The following ERBB4 variants were observed in gnomAD, a reference collection of about 807,000 sequenced individuals.
The protein encoded by ERBB4 is receptor tyrosine-protein kinase erbB-4.
Under a neutral mutation model 158.0 loss-of-function variants are expected in ERBB4, and 42 were observed. The ratio of observed to expected loss-of-function variants is 0.27; its 90% CI spans 0.21 to 0.34. The LOEUF (loss-of-function observed/expected upper bound fraction) is 0.34. ERBB4 is among the 10% of genes least tolerant of loss of function. ERBB4 has a pLI of 1.00. For missense variants in ERBB4, 1,333 were observed against 1,624.1 expected, an observed-to-expected ratio of 0.82 and a Z score of 3.08; for synonymous variants, 583 against 558.7, an observed-to-expected ratio of 1.04 and a Z score of -0.61.
chr2:212,521,235 G>T (rs754812466), intron 1 of ERBB4, among the ~76,000 whole-genome samples: 8 of 151,862 alleles, frequency 5.3e-5, no homozygotes, highest in Non-Finnish European at 8.8e-5. Context: ...ATTTGAGTTT[G>T]CCAGGTAAAC....
chr2:212,052,978 G>A (rs1300278336), intron 2 of ERBB4, among the ~76,000 whole-genome samples: 1 of 152,128 alleles, frequency 6.6e-6, no homozygotes, highest in Non-Finnish European at 1.5e-5. Flanking sequence ...AGTAGCAACG[G>A]GACCTGGACC....
chr2:211,929,763 T>C (rs1302721467), intron 3 of ERBB4, among the ~76,000 whole-genome samples: 2 of 152,228 alleles, frequency 1.3e-5, no homozygotes, highest in Non-Finnish European at 2.9e-5. Context: ...ACAATGTGCA[T>C]GGCTATGCAT....
At chr2:211,623,005 AT>A (rs1315848221) in intron 18 of ERBB4, among the ~76,000 whole-genome samples, 2 of 24,828 alleles carry the variant, frequency 8.1e-5, no homozygotes, top group African/African-American at 4.1e-4. Context: ...ATATATATAT[AT>A]ATATATATAT....
chr2:212,372,454 T>A (rs1319374432), intron 1 of ERBB4, among the ~76,000 whole-genome samples: 1 of 152,074 alleles, frequency 6.6e-6, no homozygotes, highest in East Asian at 1.9e-4. Flanking sequence ...AAAGCCTGTC[T>A]TAAAAAGATG....
chr2:212,065,268 A>C (rs2077909066), intron 2 of ERBB4, among the ~76,000 whole-genome samples: 2 of 151,968 alleles, frequency 1.3e-5, no homozygotes, highest in African/African-American at 4.8e-5. Flanking sequence ...AAATTATGTA[A>C]ATTTGGTGAA....
rs555417390 is a variant in ERBB4, at chr2:212,333,672, T to G, written c.82+204777A>C. 2.9e-4 allele frequency among the ~76,000 whole-genome samples: 42 copies of G among 144,342 alleles called. No homozygotes were observed. The South Asian group carries it at 8.9e-3, about 30-fold the overall frequency. The allele number at this position is 144,342 out of a possible 152,430, so 94.7% of individuals were successfully genotyped here. On this transcript the variant is annotated intron_variant, in intron 1 of 27. Coordinates refer to ENST00000342788, the MANE Select transcript of ERBB4 (RefSeq NM_005235.3). ...TCTTGTCATTGCACTCCAGCCTGGG[T>G]GATGGAGTGAGATTCTGTACCAAAA...
At chr2:212,088,168 T>C (rs1384827461) in intron 2 of ERBB4, among the ~76,000 whole-genome samples, 1 of 152,102 alleles carries the variant, frequency 6.6e-6, no homozygotes, top group Non-Finnish European at 1.5e-5. Flanking sequence ...CAAATCAATG[T>C]AACAACACTA....
At chr2:211,663,649 A>G (rs1413825437) in intron 15 of ERBB4, among the ~76,000 whole-genome samples, 3 of 152,152 alleles carry the variant, frequency 2.0e-5, no homozygotes, top group Non-Finnish European at 4.4e-5. Flanking sequence ...CACACCAGCC[A>G]TGCATCCAGA....
At chr2:212,356,174 G>A (rs1566926) in intron 1 of ERBB4, among the ~76,000 whole-genome samples, 98,586 of 151,766 alleles carry the variant, frequency 0.65, 32,616 homozygotes, top group East Asian at 0.79. Context: ...AATATTACTC[G>A]CTGTTCCAAA....
intron 18 of ERBB4, among the ~76,000 whole-genome samples, chr2:211,621,124 T>C (rs1045838409): frequency 6.6e-6 from 1 of 151,932 alleles, no homozygotes; most frequent in African/African-American, 2.4e-5. Flanking sequence ...CAAGAATAAA[T>C]ACATAAATAA....
chr2:212,245,168 T>C (rs558584668), intron 1 of ERBB4, among the ~76,000 whole-genome samples: 5 of 152,082 alleles, frequency 3.3e-5, no homozygotes, highest in Non-Finnish European at 7.4e-5. Flanking sequence ...ACACTTATCA[T>C]AGAAAATTTG....
chr2:211,656,569 G>T (rs192393753), intron 16 of ERBB4, among the ~76,000 whole-genome samples: 1 of 152,184 alleles, frequency 6.6e-6, no homozygotes, highest in East Asian at 1.9e-4. Flanking sequence ...TACAACCATC[G>T]CCATGATCAA....
intron 20 of ERBB4, among the ~76,000 whole-genome samples, chr2:211,441,219 T>A (rs2063967094): frequency 6.6e-6 from 1 of 152,166 alleles, no homozygotes; most frequent in African/African-American, 2.4e-5. Context: ...AGTTCCTGCA[T>A]AAAGACTAAG....
At chr2:212,330,240 T>TTTGC (rs1266175387) in intron 1 of ERBB4, among the ~76,000 whole-genome samples, 1 of 142,924 alleles carries the variant, frequency 7.0e-6, no homozygotes. Context: ...TGTTTGTTTG[T>TTTGC]TTTGTTTTCT....
At chr2:212,159,448 G>A (rs184008975) in intron 1 of ERBB4, among the ~76,000 whole-genome samples, 7 of 151,828 alleles carry the variant, frequency 4.6e-5, no homozygotes, top group Admixed American at 1.3e-4. Context: ...TTTTACATTC[G>A]TATAATGTAG....
chr2:211,457,201 G>C (rs2064404066), intron 20 of ERBB4, among the ~76,000 whole-genome samples: 1 of 152,152 alleles, frequency 6.6e-6, no homozygotes, highest in Non-Finnish European at 1.5e-5. Context: ...ATCAGTTCTT[G>C]TGATGCACGG....
rs1454474969 is a variant in ERBB4, at chr2:211,623,036, TATATATATAA to T, written c.2202+876_2202+885del. 6.0e-4 allele frequency among the ~76,000 whole-genome samples: 39 copies of T among 65,170 alleles called. 1 individual carries two copies. Among genetic ancestry groups the T allele is most frequent in the African/African-American group, 1.3e-3 (23 of 18,104 alleles). 42.8% of individuals were successfully genotyped at this position (65,170 alleles called of 152,430 possible). On this transcript the variant is annotated intron_variant, in intron 18 of 27. Transcript: ENST00000342788. ...ATATATATATATATATATATATATA[TATATATATAA>T]AATGCCAAAGTAACTTTTGGGAATT...
At chr2:212,099,526 T>A (rs1286270002) in intron 2 of ERBB4, among the ~76,000 whole-genome samples, 2 of 152,216 alleles carry the variant, frequency 1.3e-5, no homozygotes, top group Non-Finnish European at 2.9e-5. Context: ...TTTGATGGCC[T>A]TAATAGCAAG....
intron 1 of ERBB4, among the ~76,000 whole-genome samples, chr2:212,126,605 A>C (rs1475858354): frequency 6.6e-6 from 1 of 152,128 alleles, no homozygotes; most frequent in South Asian, 2.1e-4. Flanking sequence ...TTAAAAATAG[A>C]TATTATAAAT....
Sources: allele counts gnomAD v4.1 joint callset (sites outside exome capture counted in the v4.1 genomes callset), GRCh38; gene constraint gnomAD v4.1.1; transcripts MANE v1.5; gene names NCBI Gene and HGNC (gene_info 2026-07-23, HGNC 2026-07-21).